Variants in GNA14 observed in about 807,000 individuals in gnomAD.
GNA14 encodes guanine nucleotide-binding protein subunit alpha-14.
In GNA14, 50 loss-of-function variants were observed where a neutral mutation model predicts 42.0. That is an observed-to-expected ratio of 1.19 (90% CI 0.95 to 1.51). The LOEUF (loss-of-function observed/expected upper bound fraction) is 1.51. Among genes scored for constraint, GNA14 ranks in the 40% most tolerant of loss-of-function variants. GNA14 has a pLI of 0.00. For missense variants in GNA14, 473 were observed against 446.2 expected (o/e 1.06, Z -0.54); for synonymous variants, 173 against 163.1 (o/e 1.06, Z -0.46).
chr9:77,557,885 C>G (rs1822813766), intron 1 of GNA14, among the ~76,000 whole-genome samples: 1 of 152,094 alleles, frequency 6.6e-6, no homozygotes, highest in Admixed American at 6.6e-5. Flanking sequence ...CTGAGCAGCC[C>G]TTAGGGATTA....
chr9:77,527,786 A>G (rs1390303204), intron 2 of GNA14, among the ~76,000 whole-genome samples: 1 of 152,158 alleles, frequency 6.6e-6, no homozygotes, highest in African/African-American at 2.4e-5. Context: ...GGTGCCTGCC[A>G]CCACACCCAG....
intron 1 of GNA14, among the ~76,000 whole-genome samples, chr9:77,573,558 G>C (rs577751830): frequency 6.6e-6 from 1 of 152,150 alleles, no homozygotes; most frequent in South Asian, 2.1e-4. Flanking sequence ...AGATAAGCTG[G>C]CTAATTTTCT....
intron 1 of GNA14, among the ~76,000 whole-genome samples, chr9:77,598,033 C>T (rs985047463): frequency 2.0e-5 from 3 of 152,102 alleles, no homozygotes; most frequent in Non-Finnish European, 4.4e-5. Context: ...AGCAAGTCTC[C>T]GTCTCAAAAA....
rs549487310 is a variant in GNA14, at chr9:77,621,428, G to A, written c.124+26242C>T. ...AGTGCTAATTTCAAATTATCTGGTG[G>A]TGTGTATGGGTAAGTGTGCATGCAA... On this transcript the variant is annotated intron_variant, in intron 1 of 6. Transcript: ENST00000341700. 5.1e-4 allele frequency among the ~76,000 whole-genome samples: 77 copies of A among 152,294 alleles called. 1 individual carries two copies. The highest frequency in any genetic ancestry group is 9.1e-4 in the Non-Finnish European group (62 of 68,028).
At chr9:77,613,331 T>A (rs1248162677) in intron 1 of GNA14, among the ~76,000 whole-genome samples, 1 of 152,224 alleles carries the variant, frequency 6.6e-6, no homozygotes, top group Admixed American at 6.5e-5. Flanking sequence ...ATGTAGAATC[T>A]AAAAGAGTTC....
chr9:77,488,819 CCAGA>C (rs1836705550), intron 2 of GNA14, among the ~76,000 whole-genome samples: 1 of 127,172 alleles, frequency 7.9e-6, no homozygotes, highest in East Asian at 2.5e-4. Flanking sequence ...ACAGAACAAG[CCAGA>C]CAGAGAAGAC....
chr9:77,502,362 A>T (rs1268620755), intron 2 of GNA14, among the ~76,000 whole-genome samples: 3 of 152,004 alleles, frequency 2.0e-5, no homozygotes, highest in Admixed American at 6.6e-5. Context: ...AGACATTTTG[A>T]ATATTATGAG....
intron 5 of GNA14, 43 bp from the exon 6 acceptor site, chr9:77,425,758 T>C (rs1835444941): frequency 6.8e-7 from 1 of 1,474,168 alleles, no homozygotes; most frequent in Non-Finnish European, 9.3e-7. Flanking sequence ...AGAAAGGAAA[T>C]ATTTTGGAAA....
At chr9:77,584,597 C>T (rs776168740) in intron 1 of GNA14, among the ~76,000 whole-genome samples, 5 of 149,208 alleles carry the variant, frequency 3.4e-5, no homozygotes, top group Admixed American at 6.8e-5. Context: ...TGCCAAGGGG[C>T]AGGGAGGTGT....
intron 2 of GNA14, among the ~76,000 whole-genome samples, chr9:77,524,011 T>C (rs1261753232): frequency 1.3e-5 from 2 of 152,196 alleles, no homozygotes; most frequent in African/African-American, 4.8e-5. Flanking sequence ...CAAGTAAACA[T>C]GAGTTATAAG....
At position 77,434,525 on chromosome 9, in the gene GNA14, AC is replaced by A; in HGVS notation, c.310-4del. On this transcript the variant is annotated splice_polypyrimidine_tract_variant and splice_region_variant and intron_variant, in intron 2 of 6. Transcript: ENST00000341700. ...TCTCTGATTATCTGGGCATTTTCCT[AC>A]TCAAAGGAAAGAGAACCTTGCATCA... The A allele has an allele frequency of 6.2e-7, 1 of 1,611,126 alleles. No individual in the cohort carries two copies. The highest frequency in any genetic ancestry group is 8.5e-7 in the Non-Finnish European group (1 of 1,178,686).
At chr9:77,445,615 C>T (rs879908789) in intron 2 of GNA14, among the ~76,000 whole-genome samples, 2 of 151,168 alleles carry the variant, frequency 1.3e-5, no homozygotes, top group African/African-American at 2.4e-5. Flanking sequence ...TGGTGGTACG[C>T]GCCTGTAGTC....
intron 1 of GNA14, among the ~76,000 whole-genome samples, chr9:77,605,677 G>C (rs1823635734): frequency 6.6e-6 from 1 of 152,174 alleles, no homozygotes; most frequent in Non-Finnish European, 1.5e-5. Context: ...CACAGAAAGA[G>C]AAATATAGCC....
chr9:77,439,330 A>C (rs558176279), intron 2 of GNA14, among the ~76,000 whole-genome samples: 40 of 152,312 alleles, frequency 2.6e-4, no homozygotes, highest in African/African-American at 9.6e-4. Flanking sequence ...ATCCTTAACA[A>C]TGTCTGTGTA....
At chr9:77,528,267 C>T (rs1187818822) in intron 2 of GNA14, among the ~76,000 whole-genome samples, 1 of 151,958 alleles carries the variant, frequency 6.6e-6, no homozygotes, top group Non-Finnish European at 1.5e-5. Context: ...CCACGAGAGA[C>T]CCATCTGACA....
chr9:77,593,334 C>CTTTTTTTT (rs59975831), intron 1 of GNA14, among the ~76,000 whole-genome samples: 4,662 of 142,830 alleles, frequency 0.033, 317 homozygotes, highest in African/African-American at 0.11. Context: ...CCTAACATTC[C>CTTTTTTTT]TTTTTTTTTT....
At chr9:77,534,743 GCTCT>G (rs746322254) in intron 1 of GNA14, among the ~76,000 whole-genome samples, 4 of 152,192 alleles carry the variant, frequency 2.6e-5, no homozygotes, top group Non-Finnish European at 5.9e-5. Flanking sequence ...CAGCAGGTTG[GCTCT>G]CTAAGGACAG....
At chr9:77,481,414 C>T (rs369033929) in intron 2 of GNA14, among the ~76,000 whole-genome samples, 4 of 152,100 alleles carry the variant, frequency 2.6e-5, no homozygotes, top group Non-Finnish European at 2.9e-5. Flanking sequence ...GTCTGAGAGA[C>T]AGTTTGTTAT....
In GNA14 at chr9:77,631,831, T is replaced by C. The variant is rs540584735; in HGVS notation, c.124+15839A>G. Among the ~76,000 whole-genome samples, 6 of 152,320 alleles carry C rather than the reference T, an allele frequency of 3.9e-5. No individual in the cohort carries two copies. In the South Asian group the frequency reaches 1.2e-3, roughly 32 times the overall value. On this transcript the variant is annotated intron_variant, in intron 1 of 6. Transcript: ENST00000341700. ...CCATCTGGAGCAGCCGCTGCCATCA[T>C]GCCGGCTGCAGCAGGAAAGCGTGGC...
Sources: allele counts gnomAD v4.1 joint callset (sites outside exome capture counted in the v4.1 genomes callset), GRCh38; gene constraint gnomAD v4.1.1; transcripts MANE v1.5; gene names NCBI Gene and HGNC (gene_info 2026-07-23, HGNC 2026-07-21).